Variants in DHX36 observed in about 807,000 individuals in gnomAD.
DHX36 encodes DEAH-box helicase 36.
DHX36 carries 50 observed loss-of-function variants against 139.0 expected under a neutral mutation model. The ratio of observed to expected loss-of-function variants is 0.36; its 90% confidence interval spans 0.29 to 0.46. The LOEUF (loss-of-function observed/expected upper bound fraction) is 0.46. Among genes scored for constraint, DHX36 ranks in the 20% least tolerant of loss-of-function variants. DHX36 has a pLI of 1.00. For synonymous variants in DHX36, 425 were observed against 401.9 expected (o/e 1.06, Z -0.69); for missense variants, 1,024 against 1,211.3 (o/e 0.85, Z 2.29).
intron 1 of DHX36, among the ~76,000 whole-genome samples, chr3:154,316,744 T>A (rs866132371): frequency 1.3e-5 from 2 of 151,094 alleles, no homozygotes; most frequent in Non-Finnish European, 3.0e-5. Flanking sequence ...AATATAAAGG[T>A]CCTTGGTGAA....
At position 154,305,186 on chromosome 3, in the gene DHX36, G is replaced by A; in HGVS notation, c.894-18C>T. 1 of 1,602,128 alleles carries A rather than the reference G, an allele frequency of 6.2e-7. No homozygotes were observed. On this transcript the variant is annotated intron_variant, in intron 6 of 24. Transcript: ENST00000496811. Reference sequence around the variant, plus strand: ...GCAACCGACTGTGAATGAAAGACATGAATTAATAAGCCTTGGTTTTCTCTT... The same window carrying A: ...GCAACCGACTGTGAATGAAAGACATAAATTAATAAGCCTTGGTTTTCTCTT...
rs1711863698 is a variant in DHX36 at position 154,292,544 on chromosome 3, A to G, written c.1814+7T>C. 1.2e-6 allele frequency: 2 copies of G among 1,614,066 alleles called. No homozygotes were observed. The highest frequency in any genetic ancestry group is 4.5e-5 in the East Asian group (2 of 44,852). On this transcript the variant is annotated splice_region_variant and intron_variant, in intron 15 of 24. Coordinates refer to ENST00000496811, the MANE Select transcript of DHX36 (RefSeq NM_020865.3). The stretch of plus-strand genomic sequence containing the variant: ...TCTAAAAGCTTTGGACAGAGTTCCC[A>G]CCTTACCTTCCAGCTCGACCTTTTC...
rs746029389 is a variant in DHX36, at chr3:154,299,858, G to A, written c.1529C>T (p.Ser510Leu). ...AGTACCTGATTTAAACATTACTTGTGACATCAAGAGATCATGTAAAGTGCT... is the reference window on the plus strand; with the variant it reads ...AGTACCTGATTTAAACATTACTTGTAACATCAAGAGATCATGTAAAGTGCT... ...NISTLHDLLM[S>L]QVMFKSDKFL... The change falls in exon 12 of 25, where the codon TCA becomes TTA. Residue 510 changes from serine (S) to leucine (L), a missense_variant. Physicochemically the swap from Ser to Leu is moderately radical, Grantham distance 145. Around this residue, in one of 4 missense-constraint regions of DHX36, gnomAD observed 470 missense variants for 616.2 expected, o/e 0.76. Coordinates refer to ENST00000496811, the MANE Select transcript of DHX36 (RefSeq NM_020865.3). The A allele has an allele frequency of 2.7e-5, 44 of 1,611,694 alleles. No homozygotes were observed. Among genetic ancestry groups the A allele is most frequent in the Non-Finnish European group, 3.7e-5 (43 of 1,178,066 alleles).
rs1219833577 is a variant in DHX36, at chr3:154,274,850, C to A, written c.*1321G>T. ...GAATAAGCAAGCAAGAAGGGAGGGA[C>A]AAAATAGTTGCTGGCCGGCAACCAA... On this transcript the variant is annotated 3_prime_UTR_variant, in exon 25 of 25. Transcript: ENST00000496811. 6.6e-6 allele frequency: 1 copy of A among 152,136 alleles called. No homozygotes were observed. The highest frequency in any genetic ancestry group is 2.4e-5 in the African/African-American group (1 of 41,420). The allele number at this position is 152,136 out of a possible 1,614,324, so 9.4% of individuals were successfully genotyped here.
At position 154,316,150 on chromosome 3, in the gene DHX36, T is replaced by A; in HGVS notation, c.257A>T (p.His86Leu). ...TTGTTCTTCTCGTCGTTCATCCATG[T>A]GTACTACAGCTCTCTAGTTTGTGCA... is the stretch of plus-strand genomic sequence containing the variant. ...EAERQERAVV[H>L]MDERREEQIV... The change falls in exon 2 of 25, where the codon CAC (histidine) becomes CTC (leucine). Residue 86 changes from histidine (H) to leucine (L), a missense_variant. This residue lies in a region of DHX36 where 293 missense variants were observed against 274.4 expected (regional missense o/e 1.07). Coordinates refer to ENST00000496811, the MANE Select transcript of DHX36 (RefSeq NM_020865.3). 6.2e-7 allele frequency: 1 copy of A among 1,613,254 alleles called. No homozygotes were observed.
chr3:154,306,355 G>T, intron 5 of DHX36, 60 bp from the exon 6 acceptor site: 2 of 1,416,830 alleles, frequency 1.4e-6, no homozygotes, highest in Non-Finnish European at 2.0e-6. Context: ...TATCCTGAAT[G>T]TCCATGAAAA....
chr3:154,277,948 A>C, intron 22 of DHX36: 1 of 329,252 alleles, frequency 3.0e-6, no homozygotes. Flanking sequence ...ATCAGTATGA[A>C]TAATTTAAAT....
At chr3:154,288,673 G>A (rs995349782) in intron 17 of DHX36, among the ~76,000 whole-genome samples, 193 bp downstream of exon 17, 1 of 151,990 alleles carries the variant, frequency 6.6e-6, no homozygotes, top group African/African-American at 2.4e-5. Flanking sequence ...TTATTACGAA[G>A]ATATCACTTT....
intron 22 of DHX36, chr3:154,279,676 A>C (rs979381647): frequency 6.6e-6 from 1 of 152,228 alleles, no homozygotes; most frequent in African/African-American, 2.4e-5. Context: ...TTTGGGGGCA[A>C]AATCATGCCA....
intron 22 of DHX36, chr3:154,277,983 G>T: frequency 4.0e-6 from 1 of 251,406 alleles, no homozygotes; most frequent in African/African-American, 2.2e-5. Flanking sequence ...TCTTCTTGCA[G>T]GTATAATTAC....
At chr3:154,283,811 T>C (rs569094863) in intron 19 of DHX36, among the ~76,000 whole-genome samples, 18 of 152,250 alleles carry the variant, frequency 1.2e-4, no homozygotes, top group Admixed American at 1.0e-3. Flanking sequence ...TTTACCAAGA[T>C]AGGTGATAAA....
chr3:154,305,025 T>C (rs1712446467), intron 7 of DHX36, 53 bp from the exon 8 acceptor site: 5 of 1,592,924 alleles, frequency 3.1e-6, no homozygotes, highest in Non-Finnish European at 4.3e-6. Context: ...CTTTAACAAC[T>C]AGTAAAATCC....
intron 4 of DHX36, among the ~76,000 whole-genome samples, chr3:154,310,421 C>T (rs1712685551): frequency 1.3e-5 from 2 of 151,776 alleles, no homozygotes; most frequent in South Asian, 4.2e-4. Context: ...CATCTTACTA[C>T]CTCAAAGGGA....
At chr3:154,278,494 T>G (rs1029783490) in intron 22 of DHX36, 2 of 150,052 alleles carry the variant, frequency 1.3e-5, no homozygotes, top group Non-Finnish European at 2.9e-5. Flanking sequence ...TTTTTTTTTT[T>G]GAGACGGAGT....
chr3:154,313,935 G>GC (rs1468073660), intron 3 of DHX36, among the ~76,000 whole-genome samples: 15 of 152,090 alleles, frequency 9.9e-5, no homozygotes, highest in Non-Finnish European at 2.1e-4. Flanking sequence ...TTGTTGAGAA[G>GC]CTTAAATAAT....
chr3:154,281,168 A>C (rs1719323061), intron 20 of DHX36, among the ~76,000 whole-genome samples: 1 of 152,132 alleles, frequency 6.6e-6, no homozygotes, highest in Non-Finnish European at 1.5e-5. Flanking sequence ...TTCACAGAAA[A>C]AGTTTGCATG....
chr3:154,283,931 GT>G (rs1299608179), intron 19 of DHX36, among the ~76,000 whole-genome samples: 1 of 152,128 alleles, frequency 6.6e-6, no homozygotes, highest in Non-Finnish European at 1.5e-5. Context: ...ATACAGGGTA[GT>G]TTATTAATGA....
intron 24 of DHX36, 88 bp from the exon 25 acceptor site, chr3:154,276,444 G>T: frequency 7.9e-7 from 1 of 1,270,158 alleles, no homozygotes; most frequent in Non-Finnish European, 1.1e-6. Context: ...CTGATACAAG[G>T]AGTTTCACAA....
intron 9 of DHX36, among the ~76,000 whole-genome samples, 157 bp downstream of exon 9, chr3:154,303,172 T>C (rs958687986): frequency 2.0e-5 from 3 of 152,058 alleles, no homozygotes; most frequent in Admixed American, 2.0e-4. Flanking sequence ...TTTAAAAAGC[T>C]CCAGGCAATT....
Sources: allele counts gnomAD v4.1 joint callset (sites outside exome capture counted in the v4.1 genomes callset), GRCh38; gene constraint gnomAD v4.1.1; regional missense constraint gnomAD v4.1.1; transcripts MANE v1.5; gene names NCBI Gene and HGNC (gene_info 2026-07-23, HGNC 2026-07-21).